PPCDC: variants seen among roughly 807,000 people sequenced by gnomAD.
PPCDC encodes the protein phosphopantothenoylcysteine decarboxylase.
PPCDC carries 20 observed loss-of-function variants against 20.7 expected under a neutral mutation model. The ratio of observed to expected loss-of-function variants is 0.97; its 90% CI spans 0.68 to 1.41. The LOEUF (loss-of-function observed/expected upper bound fraction) is 1.41, where lower values mean the gene tolerates loss of function less well. PPCDC is among the 40% of genes most tolerant of loss of function. PPCDC has a pLI of 0.00. For missense variants in PPCDC, 246 were observed against 263.8 expected, an observed-to-expected ratio of 0.93 and a Z score of 0.47; for synonymous variants, 88 against 100.3, an observed-to-expected ratio of 0.88 and a Z score of 0.73.
chr15:75,027,332 C>T (rs1196679810), intron 1 of PPCDC, among the ~76,000 whole-genome samples: 5 of 152,154 alleles, frequency 3.3e-5, no homozygotes, highest in African/African-American at 9.7e-5. Flanking sequence ...CAACCCGCCA[C>T]GTGTAGGTTT....
chr15:75,030,056 T>A (rs1406881664), intron 2 of PPCDC, among the ~76,000 whole-genome samples: 1 of 152,162 alleles, frequency 6.6e-6, no homozygotes, highest in African/African-American at 2.4e-5. Flanking sequence ...CCCCATGGGA[T>A]GGCAGGCCAT....
intron 1 of PPCDC, 101 bp from the exon 2 acceptor site, chr15:75,028,146 C>T (rs2065978893): frequency 1.2e-6 from 1 of 824,838 alleles, no homozygotes; most frequent in African/African-American, 1.7e-5. Flanking sequence ...CTGCTGATCC[C>T]TTCCGCTGCC....
chr15:75,030,704 T>C (rs1251757185), intron 2 of PPCDC, among the ~76,000 whole-genome samples: 1 of 152,196 alleles, frequency 6.6e-6, no homozygotes, highest in Non-Finnish European at 1.5e-5. Context: ...GCTCTTCACC[T>C]GCTGAGTCGT....
chr15:75,027,317 T>G (rs1314993964), intron 1 of PPCDC, among the ~76,000 whole-genome samples: 1 of 152,164 alleles, frequency 6.6e-6, no homozygotes, highest in Admixed American at 6.5e-5. Flanking sequence ...CACGTTCTGC[T>G]GGCCCAACCC....
At chr15:75,025,125 G>T (rs1341943489) in intron 1 of PPCDC, among the ~76,000 whole-genome samples, 7 of 152,238 alleles carry the variant, frequency 4.6e-5, no homozygotes, top group Middle Eastern at 6.8e-3. Flanking sequence ...TGTTACCCAG[G>T]CTGGTCTCGA....
At chr15:75,046,537 G>T (rs1332490308) in intron 4 of PPCDC, among the ~76,000 whole-genome samples, 1 of 152,238 alleles carries the variant, frequency 6.6e-6, no homozygotes, top group Non-Finnish European at 1.5e-5. Context: ...TCCAGAGTTG[G>T]CTGGGAAGTG....
At chr15:75,043,804 C>T (rs2141496456) in intron 3 of PPCDC, 1 of 434,968 alleles carries the variant, frequency 2.3e-6, no homozygotes, top group South Asian at 2.8e-5. Flanking sequence ...GCTGATGAAA[C>T]CACAGAGGAG....
At chr15:75,025,263 C>T (rs149024373) in intron 1 of PPCDC, among the ~76,000 whole-genome samples, 3 of 152,336 alleles carry the variant, frequency 2.0e-5, no homozygotes, top group African/African-American at 7.2e-5. Flanking sequence ...GATTCAGGCT[C>T]ATAATGGATC....
At chr15:75,048,393 C>A (rs980165074) in intron 4 of PPCDC, among the ~76,000 whole-genome samples, 160 bp from the exon 5 acceptor site, 1 of 152,202 alleles carries the variant, frequency 6.6e-6, no homozygotes, top group African/African-American at 2.4e-5. Flanking sequence ...GGCGAGGAGA[C>A]ATAGCCCCCA....
chr15:75,025,991 G>C (rs2065954780), intron 1 of PPCDC, among the ~76,000 whole-genome samples: 1 of 152,168 alleles, frequency 6.6e-6, no homozygotes, highest in East Asian at 1.9e-4. Context: ...CCTTAGCACA[G>C]CTTTGCTAAG....
chr15:75,031,089 C>T, intron 2 of PPCDC, among the ~76,000 whole-genome samples: 1 of 152,088 alleles, frequency 6.6e-6, no homozygotes, highest in East Asian at 1.9e-4. Context: ...TCTTTTTGGC[C>T]ATAATTTTCT....
In PPCDC at chr15:75,049,456, C is replaced by T. The variant is rs1370635539; in HGVS notation, c.*221C>T. The T allele has an allele frequency of 1.8e-6, 1 of 558,064 alleles. No individual in the cohort carries two copies. 34.6% of individuals were successfully genotyped at this position (558,064 alleles called of 1,614,324 possible). On this transcript the variant is annotated 3_prime_UTR_variant, in exon 6 of 6. Coordinates refer to ENST00000342932, the MANE Select transcript of PPCDC (RefSeq NM_021823.5). ...GAGGCCGCTGCCTAGAGCCCCTCCC[C>T]ACCTTTTCCTGGATGGGTGAGGCAA...
At chr15:75,026,275 A>G (rs936724563) in intron 1 of PPCDC, among the ~76,000 whole-genome samples, 7 of 152,192 alleles carry the variant, frequency 4.6e-5, no homozygotes, top group Non-Finnish European at 1.0e-4. Context: ...AGAATAAAGA[A>G]TGTGCCTCCA....
chr15:75,043,019 G>A (rs2141494876), intron 2 of PPCDC, among the ~76,000 whole-genome samples: 2 of 152,398 alleles, frequency 1.3e-5, no homozygotes, highest in African/African-American at 4.8e-5. Flanking sequence ...GGGCAGAGCT[G>A]CTGTGTGGCA....
rs2066201173 is a variant in PPCDC at position 75,044,461 on chromosome 15, C to T, written c.307C>T (p.Leu103Phe). 6.2e-7 allele frequency: 1 copy of T among 1,614,110 alleles called. No homozygotes were observed. Among genetic ancestry groups the T allele is most frequent in the African/African-American group, 1.3e-5 (1 of 74,946 alleles). Residue 103 changes from leucine (L) to phenylalanine (F), a missense_variant, in exon 4 of 6, where the codon CTT becomes TTT. Physicochemically the swap from Leu to Phe is conservative, Grantham distance 22. Transcript: ENST00000342932. ...RWADLLLVAP[L>F]DANTLGKVAS... is the part of the protein sequence containing the mutation. ...GGCAGACCTCCTGCTGGTGGCTCCT[C>T]TTGATGCCAACACTCTGGGGAAGGT...
Position 75,027,814 on chromosome 15 carries a change from C to T in PPCDC, c.-72-433C>T, listed in dbSNP as rs573843468. Among the ~76,000 whole-genome samples, 3 of 152,314 alleles carry T rather than the reference C, an allele frequency of 2.0e-5. No individual in the cohort carries two copies. The South Asian group carries it at 6.2e-4, about 32-fold the overall frequency. ...TCACTTTCTGCCCCTCTACCACCCC[C>T]CATCACAGTCCGGCCTCACTAGTAA... On this transcript the variant is annotated intron_variant, in intron 1 of 5. Coordinates refer to ENST00000342932, the MANE Select transcript of PPCDC (RefSeq NM_021823.5).
intron 2 of PPCDC, among the ~76,000 whole-genome samples, chr15:75,031,001 G>A (rs906282956): frequency 2.0e-5 from 3 of 152,154 alleles, no homozygotes; most frequent in Non-Finnish European, 4.4e-5. Flanking sequence ...CCTTGAGTAT[G>A]TTGGGGCAGG....
chr15:75,049,271 A>G lies in PPCDC; in HGVS notation c.*36A>G. On this transcript the variant is annotated 3_prime_UTR_variant, in exon 6 of 6. Transcript: ENST00000342932. Reference sequence around the variant, plus strand: ...CTGTCATGGGTGTCCCTCTGTACTCAGAATGGGTTCAGGCCAAGTCGGTGA... The same window carrying G: ...CTGTCATGGGTGTCCCTCTGTACTCGGAATGGGTTCAGGCCAAGTCGGTGA... 1 of 1,596,142 alleles carries G rather than the reference A, an allele frequency of 6.3e-7. No individual in the cohort carries two copies.
Position 75,032,731 on chromosome 15 carries a change from C to CG in PPCDC, c.135+4278_135+4279insG, listed in dbSNP as rs1028946304. Among the ~76,000 whole-genome samples the CG allele has an allele frequency of 2.7e-4, 35 of 130,488 alleles. 4 individuals are homozygous for CG. The highest frequency in any genetic ancestry group is 1.3e-3 in the South Asian group (3 of 2,392). 85.6% of individuals were successfully genotyped at this position (130,488 alleles called of 152,430 possible). A position where few individuals can be genotyped will look rare whatever the true frequency, so the allele number is the denominator to read the frequency against. On this transcript the variant is annotated intron_variant, in intron 2 of 5. Transcript: ENST00000342932. The stretch of plus-strand genomic sequence containing the variant: ...TAGGAGCTAGCAAACTGGACCCCCC[C>CG]CCCCAAGGCCAAATTCGGCTCTGCC...
Sources: gnomAD v4.1 joint callset for allele counts (sites outside exome capture counted in the v4.1 genomes callset) on GRCh38, gnomAD v4.1.1 for gene constraint, MANE v1.5 for transcripts, NCBI Gene and HGNC (gene_info 2026-07-23, HGNC 2026-07-21) for gene names.